Variants in CYB5R4 observed in about 807,000 individuals in gnomAD.
CYB5R4 encodes cytochrome b5 reductase 4, also known as N-terminal cytochrome b5 and cytochrome b5 oxidoreductase domain-containing protein.
A neutral mutation model predicts 70.2 loss-of-function variants in CYB5R4; 55 were observed. The observed-to-expected ratio is 0.78, with a 90% confidence interval of 0.63 to 0.98. The LOEUF is 0.98. Among genes scored for constraint, CYB5R4 ranks in the 50% least tolerant of loss-of-function variants. The pLI, the probability that CYB5R4 is intolerant of heterozygous loss-of-function variation, is 0.00. For missense variants in CYB5R4, 562 were observed against 612.6 expected (o/e 0.92, Z 0.87); for synonymous variants, 197 against 199.5 (o/e 0.99, Z 0.11).
At chr6:83,940,330 A>T (rs752692271) in intron 13 of CYB5R4, 124 bp downstream of exon 13, 9 of 1,124,144 alleles carry the variant, frequency 8.0e-6, no homozygotes, top group Non-Finnish European at 9.9e-6. Context: ...ATCATTTCTT[A>T]CTTTGCCTCC....
chr6:83,886,344 AG>A (rs2099460247), intron 2 of CYB5R4, among the ~76,000 whole-genome samples: 1 of 152,206 alleles, frequency 6.6e-6, no homozygotes, highest in Admixed American at 6.5e-5. Context: ...TGAACTTTAG[AG>A]GGGACAAATA....
At chr6:83,922,409 T>C (rs2099466526) in intron 8 of CYB5R4, 29 bp from the exon 9 acceptor site, 3 of 1,597,232 alleles carry the variant, frequency 1.9e-6, no homozygotes, top group African/African-American at 2.7e-5. Flanking sequence ...TGAAGTTCTA[T>C]TTTAACTAAA....
At chr6:83,951,821 A>G (rs766163793) in intron 14 of CYB5R4, among the ~76,000 whole-genome samples, 11 of 152,260 alleles carry the variant, frequency 7.2e-5, no homozygotes, top group Non-Finnish European at 1.5e-4. Flanking sequence ...GCTGGGTCAA[A>G]TGGTCTTTCT....
Position 83,964,698 on chromosome 6 carries a change from G to T in CYB5R4, c.*4820G>T, listed in dbSNP as rs1249297409. On this transcript the variant is annotated 3_prime_UTR_variant, in exon 16 of 16. Transcript: ENST00000369681. ...GAATGTTAATTTCCAAGACAATGGGGAAAATGTCTCCAGGGCATGTCAGAG... is the reference window on the plus strand; with the variant it reads ...GAATGTTAATTTCCAAGACAATGGGTAAAATGTCTCCAGGGCATGTCAGAG... 1.3e-5 allele frequency: 2 copies of T among 152,200 alleles called. No homozygotes were observed. Among genetic ancestry groups the T allele is most frequent in the Non-Finnish European group, 2.9e-5 (2 of 68,034 alleles). The allele number at this position is 152,200 out of a possible 1,614,324, so 9.4% of individuals were successfully genotyped here.
intron 2 of CYB5R4, among the ~76,000 whole-genome samples, chr6:83,890,390 G>C (rs2099460937): frequency 6.6e-6 from 1 of 152,164 alleles, no homozygotes; most frequent in Non-Finnish European, 1.5e-5. Flanking sequence ...AGAATTAGAA[G>C]TGGAACCCAA....
rs2099474154 is a variant in CYB5R4 at position 83,966,815 on chromosome 6, AAACTCTACTT to A, written c.*6940_*6949del. On this transcript the variant is annotated 3_prime_UTR_variant, in exon 16 of 16. Coordinates refer to ENST00000369681, the MANE Select transcript of CYB5R4 (RefSeq NM_016230.4). ...AAAAATCAAAGGAAAAGAATACTAA[AAACTCTACTT>A]AATGAAAAATCATCCTGAAATTAAC... is the stretch of plus-strand genomic sequence containing the variant. 6.6e-6 allele frequency: 1 copy of A among 152,208 alleles called. No individual in the cohort carries two copies. The highest frequency in any genetic ancestry group is 2.4e-5 in the African/African-American group (1 of 41,448). The allele number at this position is 152,208 out of a possible 1,614,324, so 9.4% of individuals were successfully genotyped here.
At chr6:83,937,884 T>G (rs1293247543) in intron 12 of CYB5R4, among the ~76,000 whole-genome samples, 1 of 152,242 alleles carries the variant, frequency 6.6e-6, no homozygotes, top group Non-Finnish European at 1.5e-5. Flanking sequence ...TAAAAACTTC[T>G]CTTGCTTCTG....
chr6:83,931,463 C>T (rs535037907), intron 10 of CYB5R4, among the ~76,000 whole-genome samples: 1 of 152,236 alleles, frequency 6.6e-6, no homozygotes, highest in East Asian at 1.9e-4. Context: ...TCTGTTTTGG[C>T]CTTGTGAAAT....
In CYB5R4 at chr6:83,962,582, A is replaced by G. The variant is rs1336458912; in HGVS notation, c.*2704A>G. ...AAACAACACCCATTTATTATCTCAC[A>G]GTTCCATGGCACAGAAATCTAGGCA... On this transcript the variant is annotated 3_prime_UTR_variant, in exon 16 of 16. Transcript: ENST00000369681. The G allele has an allele frequency of 2.6e-5, 4 of 152,216 alleles. No individual in the cohort carries two copies. Among genetic ancestry groups the G allele is most frequent in the African/African-American group, 9.6e-5 (4 of 41,452 alleles). The allele number at this position is 152,216 out of a possible 1,614,324, so 9.4% of individuals were successfully genotyped here.
chr6:83,913,328 A>G (rs903865494), intron 4 of CYB5R4, among the ~76,000 whole-genome samples: 2 of 152,188 alleles, frequency 1.3e-5, no homozygotes, highest in African/African-American at 2.4e-5. Flanking sequence ...CTTTTAGGAA[A>G]TATTAACTCC....
chr6:83,944,878 A>G (rs1175223933), intron 14 of CYB5R4, among the ~76,000 whole-genome samples: 1 of 152,230 alleles, frequency 6.6e-6, no homozygotes, highest in Non-Finnish European at 1.5e-5. Flanking sequence ...AGAAGAGCTA[A>G]CTGTCCTAAA....
chr6:83,874,471 G>C (rs1354203800), intron 2 of CYB5R4, among the ~76,000 whole-genome samples: 3 of 151,340 alleles, frequency 2.0e-5, no homozygotes, highest in South Asian at 4.2e-4. Flanking sequence ...CAAAGTGCTG[G>C]GAATGAGCCA....
chr6:83,872,156 A>G (rs1353106856), intron 2 of CYB5R4, among the ~76,000 whole-genome samples: 1 of 152,106 alleles, frequency 6.6e-6, no homozygotes, highest in Non-Finnish European at 1.5e-5. Flanking sequence ...TTTTACTCCT[A>G]TTTATGGTTT....
intron 3 of CYB5R4, among the ~76,000 whole-genome samples, chr6:83,893,856 C>CGCTGCCTCCTTTGTTGGTAAGTGTTT (rs2099461485): frequency 6.6e-6 from 1 of 152,094 alleles, no homozygotes; most frequent in African/African-American, 2.4e-5. Flanking sequence ...TTTAAGTGTT[C>CGCTGCCTCCTTTGTTGGTAAGTGTTT]GCTGCCTCCT....
intron 2 of CYB5R4, 134 bp from the exon 3 acceptor site, chr6:83,893,387 GT>G: frequency 1.7e-6 from 1 of 596,856 alleles, no homozygotes; most frequent in Non-Finnish European, 2.9e-6. Context: ...TTTACAGTTA[GT>G]TCTTGATACT....
At chr6:83,874,723 A>G (rs1176828658) in intron 2 of CYB5R4, among the ~76,000 whole-genome samples, 2 of 151,722 alleles carry the variant, frequency 1.3e-5, no homozygotes, top group Non-Finnish European at 2.9e-5. Context: ...TTCTTCCCCA[A>G]GGCTTTCTTC....
intron 14 of CYB5R4, among the ~76,000 whole-genome samples, chr6:83,946,549 T>C (rs1192935567): frequency 6.6e-5 from 10 of 152,182 alleles, no homozygotes; most frequent in Admixed American, 1.3e-4. Flanking sequence ...CTATTCAACA[T>C]AGTATTGCAA....
intron 2 of CYB5R4, among the ~76,000 whole-genome samples, chr6:83,864,673 TATAAC>T (rs1414607829): frequency 6.6e-6 from 1 of 152,188 alleles, no homozygotes; most frequent in African/African-American, 2.4e-5. Flanking sequence ...CTCAGAGCCT[TATAAC>T]AGAATTCTGT....
chr6:83,883,519 G>A (rs141021149), intron 2 of CYB5R4, among the ~76,000 whole-genome samples: 21 of 152,252 alleles, frequency 1.4e-4, no homozygotes, highest in Non-Finnish European at 2.8e-4. Flanking sequence ...TGAAGGAAAA[G>A]TAACACCATC....
Sources: allele counts gnomAD v4.1 joint callset (sites outside exome capture counted in the v4.1 genomes callset), GRCh38; gene constraint gnomAD v4.1.1; transcripts MANE v1.5; gene names NCBI Gene and HGNC (gene_info 2026-07-23, HGNC 2026-07-21).